ZBTB8OS: variants seen among roughly 807,000 people sequenced by gnomAD.
ZBTB8OS encodes tRNA-splicing ligase-activating factor archease.
In ZBTB8OS, 16 loss-of-function variants were observed where a neutral mutation model predicts 29.3. The observed-to-expected ratio is 0.55, with a 90% CI of 0.37 to 0.83. ZBTB8OS has a LOEUF of 0.83. ZBTB8OS is among the 40% of genes least tolerant of loss of function. The pLI, the probability that ZBTB8OS is intolerant of heterozygous loss-of-function variation, is 0.00. For missense variants in ZBTB8OS, 160 were observed against 196.9 expected (o/e 0.81, Z 1.12); for synonymous variants, 70 against 64.6 (o/e 1.08, Z -0.40).
Position 32,650,501 on chromosome 1 carries a change from T to A in ZBTB8OS, c.29A>T (p.Asp10Val). ...CTTCTGTTCTTCAGTCAAATTGTAA[T>A]CTCTAACATCTTCCTCTTCCTGCGC... MAQEEEDVR[D>V]YNLTEEQKAI... Residue 10 changes from aspartate (D) to valine (V), a missense_variant, in exon 1 of 7, where the codon GAT (aspartate) becomes GTT (valine). Coordinates refer to ENST00000468695, the MANE Select transcript of ZBTB8OS (RefSeq NM_178547.5). 1 of 1,614,154 alleles carries A rather than the reference T, an allele frequency of 6.2e-7. No individual in the cohort carries two copies. The highest frequency in any genetic ancestry group is 8.5e-7 in the Non-Finnish European group (1 of 1,180,022).
chr1:32,628,169 C>G (rs1196029618), intron 5 of ZBTB8OS, among the ~76,000 whole-genome samples: 1 of 149,960 alleles, frequency 6.7e-6, no homozygotes, highest in East Asian at 2.0e-4. Context: ...ACCAGCCTGA[C>G]CAACATGGAA....
intron 1 of ZBTB8OS, among the ~76,000 whole-genome samples, chr1:32,648,598 G>A (rs1484321955): frequency 1.3e-5 from 2 of 152,170 alleles, no homozygotes; most frequent in Non-Finnish European, 2.9e-5. Flanking sequence ...GGGGCTGCCA[G>A]AGTTACTTTT....
intron 6 of ZBTB8OS, among the ~76,000 whole-genome samples, chr1:32,622,813 A>C (rs1029614031): frequency 3.3e-5 from 5 of 151,994 alleles, no homozygotes; most frequent in Admixed American, 1.3e-4. Flanking sequence ...CTTTTCTACT[A>C]TTTGGCTCAG....
At position 32,650,549 on chromosome 1, in the gene ZBTB8OS, C is replaced by A; in HGVS notation, c.-20G>T. 6.2e-7 allele frequency: 1 copy of A among 1,614,124 alleles called. No individual in the cohort carries two copies. The highest frequency in any genetic ancestry group is 8.5e-7 in the Non-Finnish European group (1 of 1,180,006). ...CGCCATGACTGCAGGATTAGACACT[C>A]TACTTCCGCCCTTCATCCACCGGAC... On this transcript the variant is annotated 5_prime_UTR_variant, in exon 1 of 7. Coordinates refer to ENST00000468695, the MANE Select transcript of ZBTB8OS (RefSeq NM_178547.5).
intron 1 of ZBTB8OS, among the ~76,000 whole-genome samples, chr1:32,641,461 T>G (rs1028217736): frequency 6.7e-5 from 10 of 149,760 alleles, no homozygotes; most frequent in Admixed American, 1.3e-4. Context: ...TTAGTAGAGA[T>G]GGGGTTTCTC....
rs764160635 is a variant in ZBTB8OS at position 32,621,951 on chromosome 1, A to C, written c.418-3T>G. 1 of 1,556,144 alleles carries C rather than the reference A, an allele frequency of 6.4e-7. No individual in the cohort carries two copies. The highest frequency in any genetic ancestry group is 8.6e-7 in the Non-Finnish European group (1 of 1,161,906). On this transcript the variant is annotated splice_polypyrimidine_tract_variant and splice_region_variant and intron_variant, in intron 6 of 6. Coordinates refer to ENST00000468695, the MANE Select transcript of ZBTB8OS (RefSeq NM_178547.5). ...GTTATTGCTTTGACTTCTGTTCCCT[A>C]AAGTTGGGGTTAGAGAAAAAAAAAA...
intron 1 of ZBTB8OS, among the ~76,000 whole-genome samples, chr1:32,646,262 T>C (rs922899663): frequency 6.6e-6 from 1 of 151,196 alleles, no homozygotes; most frequent in Admixed American, 6.6e-5. Flanking sequence ...GAGGTTGTAG[T>C]GAGTCAAAGT....
intron 1 of ZBTB8OS, among the ~76,000 whole-genome samples, chr1:32,649,127 G>A (rs1169115664): frequency 6.7e-6 from 1 of 148,598 alleles, no homozygotes. Context: ...ACCATCATGC[G>A]CAGCTAATTT....
intron 1 of ZBTB8OS, among the ~76,000 whole-genome samples, chr1:32,641,981 G>A (rs963386034): frequency 1.3e-5 from 2 of 151,966 alleles, no homozygotes; most frequent in Non-Finnish European, 2.9e-5. Context: ...TTGTTACATA[G>A]AATATTATGA....
At chr1:32,627,749 A>G in intron 5 of ZBTB8OS, 1 of 579,706 alleles carries the variant, frequency 1.7e-6, no homozygotes, top group Non-Finnish European at 3.0e-6. Flanking sequence ...CAAGGTTGAT[A>G]GTTAAGGCCA....
In ZBTB8OS at chr1:32,621,646, T is replaced by G; in HGVS notation, c.*216A>C. 1 of 509,622 alleles carries G rather than the reference T, an allele frequency of 2.0e-6. No individual in the cohort carries two copies. The highest frequency in any genetic ancestry group is 3.9e-5 in the Admixed American group (1 of 25,630). 31.6% of individuals were successfully genotyped at this position (509,622 alleles called of 1,614,324 possible). Reference sequence around the variant, plus strand: ...AGGACCATAACTGTCCCTTGGGGGGTTGAAGAATTCTTTAAAGTGTGAATA... The same window carrying G: ...AGGACCATAACTGTCCCTTGGGGGGGTGAAGAATTCTTTAAAGTGTGAATA... On this transcript the variant is annotated 3_prime_UTR_variant, in exon 7 of 7. Transcript: ENST00000468695.
chr1:32,626,560 A>G (rs923462559), intron 6 of ZBTB8OS, among the ~76,000 whole-genome samples: 2 of 151,420 alleles, frequency 1.3e-5, no homozygotes, highest in African/African-American at 4.8e-5. Flanking sequence ...CTTTTATTTT[A>G]TTTTTTTGAG....
intron 1 of ZBTB8OS, among the ~76,000 whole-genome samples, chr1:32,636,666 G>C (rs2148397003): frequency 6.6e-6 from 1 of 150,934 alleles, no homozygotes; most frequent in East Asian, 1.9e-4. Flanking sequence ...TTCCAGCCTG[G>C]GCAACAAGAG....
chr1:32,642,478 TG>T (rs111874309), intron 1 of ZBTB8OS, among the ~76,000 whole-genome samples: 1,750 of 148,812 alleles, frequency 0.012, 29 homozygotes, highest in African/African-American at 0.041. Context: ...CATTCCAGCC[TG>T]GGTGACAGAG....
rs1273012114 is a variant in ZBTB8OS at position 32,621,180 on chromosome 1, C to A, written c.*682G>T. On this transcript the variant is annotated 3_prime_UTR_variant, in exon 7 of 7. Coordinates refer to ENST00000468695, the MANE Select transcript of ZBTB8OS (RefSeq NM_178547.5). ...CCTTGGGAGGCCAAGGTGGGCGGATCACAAGGTCAGGAGATCAAGACCATC... is the reference window on the plus strand; with the variant it reads ...CCTTGGGAGGCCAAGGTGGGCGGATAACAAGGTCAGGAGATCAAGACCATC... 1.3e-5 allele frequency: 2 copies of A among 152,042 alleles called. No homozygotes were observed. Among genetic ancestry groups the A allele is most frequent in the Non-Finnish European group, 2.9e-5 (2 of 68,026 alleles). The allele number at this position is 152,042 out of a possible 1,614,324, so 9.4% of individuals were successfully genotyped here.
chr1:32,647,205 C>T (rs1410788730), intron 1 of ZBTB8OS, among the ~76,000 whole-genome samples: 1 of 146,978 alleles, frequency 6.8e-6, no homozygotes, highest in Non-Finnish European at 1.5e-5. Flanking sequence ...CCCATCTCTA[C>T]TAAAAATACA....
Position 32,645,851 on chromosome 1 carries a change from G to A in ZBTB8OS, c.97+4582C>T, listed in dbSNP as rs143836272. Among the ~76,000 whole-genome samples, 608 of 152,194 alleles carry A rather than the reference G, an allele frequency of 4.0e-3. 5 individuals carry two copies. Among genetic ancestry groups the A allele is most frequent in the East Asian group, 0.034 (175 of 5,178 alleles). On this transcript the variant is annotated intron_variant, in intron 1 of 6. Transcript: ENST00000468695. ...ACACAGTGAAAACAATAACACCTCA[G>A]TATTATTATGAAAATAGTTTTGACA...
intron 1 of ZBTB8OS, among the ~76,000 whole-genome samples, chr1:32,642,121 T>C (rs1646458266): frequency 6.6e-6 from 1 of 152,148 alleles, no homozygotes; most frequent in Admixed American, 6.6e-5. Flanking sequence ...ACTTACTTTC[T>C]AACCTGAGTC....
chr1:32,639,761 A>G (rs921696324), intron 1 of ZBTB8OS, among the ~76,000 whole-genome samples: 6 of 151,370 alleles, frequency 4.0e-5, no homozygotes, highest in Non-Finnish European at 8.8e-5. Context: ...TCCCAACTCT[A>G]AAAAAAAATA....
Sources: gnomAD v4.1 joint callset for allele counts (sites outside exome capture counted in the v4.1 genomes callset) on GRCh38, gnomAD v4.1.1 for gene constraint, MANE v1.5 for transcripts, NCBI Gene and HGNC (gene_info 2026-07-23, HGNC 2026-07-21) for gene names.